Variants in CDH4 observed in about 807,000 individuals in gnomAD.
CDH4 encodes cadherin 4, also known as cadherin-4.
Under a neutral mutation model 86.0 loss-of-function variants are expected in CDH4, and 33 were observed. The ratio of observed to expected loss-of-function variants is 0.38; its 90% CI spans 0.29 to 0.51. The LOEUF (loss-of-function observed/expected upper bound fraction) is 0.51. Among genes scored for constraint, CDH4 ranks in the 20% least tolerant of loss-of-function variants. The pLI is 0.86. For synonymous variants in CDH4, 555 were observed against 549.4 expected (o/e 1.01, Z -0.14); for missense variants, 1,114 against 1,307.4 (o/e 0.85, Z 2.28).
chr20:61,424,910 G>A (rs2085203339), intron 2 of CDH4, among the ~76,000 whole-genome samples: 1 of 122,478 alleles, frequency 8.2e-6, no homozygotes, highest in Non-Finnish European at 1.9e-5. Context: ...AAAGGCATAA[G>A]CCTGTGCCGC....
At chr20:61,741,251 G>A (rs1351304117) in intron 2 of CDH4, among the ~76,000 whole-genome samples, 2 of 152,186 alleles carry the variant, frequency 1.3e-5, no homozygotes, top group Admixed American at 6.5e-5. Context: ...CCAGTGTGCA[G>A]GGGCCCTGGT....
At chr20:61,621,759 T>C (rs116460351) in intron 2 of CDH4, among the ~76,000 whole-genome samples, 3,017 of 152,370 alleles carry the variant, frequency 0.02, 94 homozygotes, top group African/African-American at 0.069. Flanking sequence ...GGCTTTAATA[T>C]TTAATTCAGA....
chr20:61,280,605 A>G (rs187090414), intron 2 of CDH4, among the ~76,000 whole-genome samples: 37 of 152,368 alleles, frequency 2.4e-4, no homozygotes, highest in Non-Finnish European at 3.8e-4. Context: ...TTATAAGCAC[A>G]AGGCTGGGGT....
At chr20:61,450,079 A>G (rs1215090660) in intron 2 of CDH4, among the ~76,000 whole-genome samples, 3 of 152,236 alleles carry the variant, frequency 2.0e-5, no homozygotes, top group Non-Finnish European at 4.4e-5. Context: ...AGGGTATGTT[A>G]ATTTCTACAG....
At chr20:61,783,818 T>A (rs1325117157) in intron 4 of CDH4, among the ~76,000 whole-genome samples, 3 of 68,454 alleles carry the variant, frequency 4.4e-5, no homozygotes, top group African/African-American at 6.0e-5. Context: ...CCAAGAGAAA[T>A]GTAATCCCAG....
In CDH4 at chr20:61,684,489, C is replaced by G. The variant is rs960999595; in HGVS notation, c.170-59074C>G. ...AATAGCCTTGAGCCTGGGCAGAATTCGGAGGCAACCATCTCCTGGCCGCCT... is the reference window on the plus strand; with the variant it reads ...AATAGCCTTGAGCCTGGGCAGAATTGGGAGGCAACCATCTCCTGGCCGCCT... On this transcript the variant is annotated intron_variant, in intron 2 of 15. Coordinates refer to ENST00000614565, the MANE Select transcript of CDH4 (RefSeq NM_001794.5). This position sits in a 1 kb window ranked among gnomAD's most constrained non-coding sequence, Gnocchi z 4.5. Among the ~76,000 whole-genome samples, 9 of 152,190 alleles carry G rather than the reference C, an allele frequency of 5.9e-5. No homozygotes were observed. The highest frequency in any genetic ancestry group is 2.2e-4 in the African/African-American group (9 of 41,448).
intron 2 of CDH4, among the ~76,000 whole-genome samples, chr20:61,671,061 G>A (rs2087380943): frequency 6.6e-6 from 1 of 152,144 alleles, no homozygotes; most frequent in South Asian, 2.1e-4. Flanking sequence ...ATGGCATAAG[G>A]GTGAATGGAT....
intron 2 of CDH4, among the ~76,000 whole-genome samples, chr20:61,285,072 G>GTTTTT (rs776837492): frequency 6.6e-6 from 1 of 150,562 alleles, no homozygotes; most frequent in African/African-American, 2.5e-5. Flanking sequence ...AGCCTTTCCT[G>GTTTTT]TTTTTTTTTT....
intron 2 of CDH4, among the ~76,000 whole-genome samples, chr20:61,485,475 C>T (rs781397279): frequency 9.9e-5 from 15 of 152,180 alleles, no homozygotes; most frequent in Non-Finnish European, 1.3e-4. Flanking sequence ...TGTTGGGTCC[C>T]GGAGATGCAC....
intron 2 of CDH4, among the ~76,000 whole-genome samples, chr20:61,394,286 T>TGCCATCCAGGACTCTCCC (rs1410131152): frequency 2.0e-5 from 3 of 152,116 alleles, no homozygotes; most frequent in African/African-American, 7.2e-5. Flanking sequence ...CAGCATCTCC[T>TGCCATCCAGGACTCTCCC]GCCATCCAGG....
rs1351350025 is a variant in CDH4, at chr20:61,501,641, A to G, written c.170-241922A>G. 1.3e-5 allele frequency among the ~76,000 whole-genome samples: 2 copies of G among 152,116 alleles called. No individual in the cohort carries two copies. Among genetic ancestry groups the G allele is most frequent in the Non-Finnish European group, 2.9e-5 (2 of 68,018 alleles). ...AGCTGTGGTGAGACTCAAAGGCCACACAGAAGCAGCGTGTTCCGGAAAGCA... is the reference window on the plus strand; with the variant it reads ...AGCTGTGGTGAGACTCAAAGGCCACGCAGAAGCAGCGTGTTCCGGAAAGCA... On this transcript the variant is annotated intron_variant, in intron 2 of 15. Transcript: ENST00000614565. The surrounding 1 kb of genome is among the most constrained non-coding windows in gnomAD (Gnocchi z 4.2).
intron 2 of CDH4, among the ~76,000 whole-genome samples, chr20:61,310,234 G>A (rs902643945): frequency 7.2e-5 from 11 of 152,070 alleles, no homozygotes; most frequent in South Asian, 2.1e-4. Context: ...ATGGGGGTTC[G>A]TCTTGCACAA....
intron 14 of CDH4, among the ~76,000 whole-genome samples, chr20:61,933,439 G>A (rs532356683): frequency 8.5e-5 from 13 of 152,340 alleles, no homozygotes; most frequent in South Asian, 6.2e-4. Context: ...GCCCACTCGC[G>A]GATGCTGCTG....
intron 2 of CDH4, among the ~76,000 whole-genome samples, chr20:61,701,320 T>C (rs911048386): frequency 6.6e-6 from 1 of 152,206 alleles, no homozygotes; most frequent in Non-Finnish European, 1.5e-5. Flanking sequence ...TGGGGTGGAA[T>C]TTCAATGTAT....
intron 2 of CDH4, among the ~76,000 whole-genome samples, chr20:61,552,080 T>C (rs896260696): frequency 3.3e-5 from 5 of 152,214 alleles, no homozygotes; most frequent in Non-Finnish European, 5.9e-5. Context: ...GGCAGTGATT[T>C]CTTAGATATG....
chr20:61,653,769 C>T (rs2087154902), intron 2 of CDH4, among the ~76,000 whole-genome samples: 1 of 112,312 alleles, frequency 8.9e-6, no homozygotes, highest in East Asian at 2.3e-4. Context: ...AGAGGCGCTC[C>T]CCACATCCCA....
intron 2 of CDH4, among the ~76,000 whole-genome samples, chr20:61,670,440 C>T (rs2087373938): frequency 6.6e-6 from 1 of 152,208 alleles, no homozygotes; most frequent in African/African-American, 2.4e-5. Context: ...GGCCTCTGTG[C>T]ACTGGCCAGA....
chr20:61,252,887 G>T lies in CDH4; in HGVS notation c.57+317G>T, dbSNP rs2084071620. 6.6e-6 allele frequency among the ~76,000 whole-genome samples: 1 copy of T among 151,908 alleles called. No individual in the cohort carries two copies. Among genetic ancestry groups the T allele is most frequent in the South Asian group, 2.1e-4 (1 of 4,836 alleles). On this transcript the variant is annotated intron_variant, in intron 1 of 15. Coordinates refer to ENST00000614565, the MANE Select transcript of CDH4 (RefSeq NM_001794.5). This position sits in a 1 kb window ranked among gnomAD's most constrained non-coding sequence, Gnocchi z 4.4. ...GCCCGTAGCCGCTACCCGGAGCTCG[G>T]CTTGCCTGCATGGGGCAGGCTTCCA...
intron 5 of CDH4, among the ~76,000 whole-genome samples, chr20:61,845,049 C>A (rs1435530127): frequency 6.6e-6 from 1 of 152,190 alleles, no homozygotes; most frequent in Non-Finnish European, 1.5e-5. Context: ...TGGGAAACTG[C>A]ATTTCACACA....
Sources: gnomAD v4.1 joint callset for allele counts (sites outside exome capture counted in the v4.1 genomes callset) on GRCh38, gnomAD v4.1.1 for gene constraint, Gnocchi (gnomAD v3.1) non-coding constraint, MANE v1.5 for transcripts, NCBI Gene and HGNC (gene_info 2026-07-23, HGNC 2026-07-21) for gene names.